LRP1B: variants seen among roughly 807,000 people sequenced by gnomAD.
LRP1B encodes low-density lipoprotein receptor-related protein 1B.
LRP1B carries 217 observed loss-of-function variants against 556.6 expected under a neutral mutation model. That is an observed-to-expected ratio of 0.39 (90% CI 0.35 to 0.44). The LOEUF is 0.44. Among genes scored for constraint, LRP1B ranks in the 20% least tolerant of loss-of-function variants. LRP1B has a pLI of 1.00. For synonymous variants in LRP1B, 2,047 were observed against 1,865.8 expected (o/e 1.10, Z -2.50); for missense variants, 5,053 against 5,620.8 (o/e 0.90, Z 3.23).
intron 67 of LRP1B, among the ~76,000 whole-genome samples, chr2:140,380,055 A>T (rs1308710363): frequency 6.6e-6 from 1 of 152,228 alleles, no homozygotes; most frequent in Non-Finnish European, 1.5e-5. Context: ...GTCAGGTACT[A>T]GGTAAAGTTA....
At chr2:141,772,543 G>A (rs1406231195) in intron 2 of LRP1B, among the ~76,000 whole-genome samples, 1 of 152,116 alleles carries the variant, frequency 6.6e-6, no homozygotes, top group Non-Finnish European at 1.5e-5. Context: ...TCTGGGATAG[G>A]GTCCGGCGCT....
chr2:140,437,979 T>C (rs1310202761), intron 66 of LRP1B, among the ~76,000 whole-genome samples: 1 of 152,216 alleles, frequency 6.6e-6, no homozygotes, highest in Non-Finnish European at 1.5e-5. Flanking sequence ...AACATGATAC[T>C]TGTTATATAA....
chr2:141,905,763 AGATGTGTGTGTG>A (rs1407957305), intron 1 of LRP1B, among the ~76,000 whole-genome samples: 17 of 115,200 alleles, frequency 1.5e-4, no homozygotes, highest in Admixed American at 6.8e-4. Flanking sequence ...TGGTTTGAAT[AGATGTGTGTGTG>A]TGTGTGTGTG....
At chr2:140,325,706 T>C in intron 80 of LRP1B, 56 bp downstream of exon 80, 1 of 1,130,208 alleles carries the variant, frequency 8.8e-7, no homozygotes, top group Non-Finnish European at 1.3e-6. Context: ...ATTTTTGTAT[T>C]AGTATTTAAC....
intron 3 of LRP1B, among the ~76,000 whole-genome samples, chr2:141,256,198 T>C (rs1238740075): frequency 6.6e-6 from 1 of 151,968 alleles, no homozygotes; most frequent in Non-Finnish European, 1.5e-5. Flanking sequence ...TAGAAGAAGT[T>C]GAATTTGAGT....
intron 2 of LRP1B, among the ~76,000 whole-genome samples, chr2:141,641,980 AAAAC>A (rs1174533490): frequency 7.8e-4 from 118 of 152,010 alleles, no homozygotes; most frequent in African/African-American, 2.7e-3. Flanking sequence ...TATAGCATGC[AAAAC>A]AAACAAACAA....
chr2:140,743,171 C>A (rs1209685348), intron 35 of LRP1B, among the ~76,000 whole-genome samples: 2 of 151,974 alleles, frequency 1.3e-5, no homozygotes, highest in African/African-American at 4.8e-5. Flanking sequence ...TTGGAGTGGA[C>A]TAGAATTTCA....
chr2:141,908,571 C>A (rs1175581519), intron 1 of LRP1B, among the ~76,000 whole-genome samples: 1 of 151,952 alleles, frequency 6.6e-6, no homozygotes, highest in Non-Finnish European at 1.5e-5. Flanking sequence ...GAAAGGGTGT[C>A]TATTTGTCTA....
At chr2:140,446,074 A>C (rs1325952126) in intron 63 of LRP1B, among the ~76,000 whole-genome samples, 1 of 152,132 alleles carries the variant, frequency 6.6e-6, no homozygotes, top group Non-Finnish European at 1.5e-5. Flanking sequence ...AAAATGTTGA[A>C]AGTTATTTGC....
chr2:140,813,649 T>TCACTTACCCATGATGGTTAGGGCA lies in LRP1B; in HGVS notation c.5359+7_5359+8insTGCCCTAACCATCATGGGTAAGTG. 6 of 1,612,432 alleles carry TCACTTACCCATGATGGTTAGGGCA rather than the reference T, an allele frequency of 3.7e-6. No individual in the cohort carries two copies. The highest frequency in any genetic ancestry group is 5.1e-6 in the Non-Finnish European group (6 of 1,179,074). On this transcript the variant is annotated splice_region_variant and intron_variant, in intron 32 of 90. Coordinates refer to ENST00000389484, the MANE Select transcript of LRP1B (RefSeq NM_018557.3). Reference sequence around the variant, plus strand: ...AAAGCAACCAAGCTATAGAATAATTTCACTTACCCATGATGGTTAGGGCTG... The same window carrying TCACTTACCCATGATGGTTAGGGCA: ...AAAGCAACCAAGCTATAGAATAATTTCACTTACCCATGATGGTTAGGGCACACTTACCCATGATGGTTAGGGCTG...
At chr2:140,524,505 T>C (rs969221305) in intron 49 of LRP1B, among the ~76,000 whole-genome samples, 1 of 151,900 alleles carries the variant, frequency 6.6e-6, no homozygotes, top group Admixed American at 6.6e-5. Context: ...CATATATGTT[T>C]ATTGAAATAC....
chr2:141,883,309 G>A (rs1236746037), intron 1 of LRP1B, among the ~76,000 whole-genome samples: 1 of 152,238 alleles, frequency 6.6e-6, no homozygotes, highest in African/African-American at 2.4e-5. Flanking sequence ...AAGCAAGAAG[G>A]AGCTGAAAGG....
chr2:140,911,201 T>C (rs1025158207), intron 21 of LRP1B, among the ~76,000 whole-genome samples: 1 of 151,836 alleles, frequency 6.6e-6, no homozygotes, highest in African/African-American at 2.4e-5. Flanking sequence ...GAAAGGGAGT[T>C]AGCTATTTAT....
intron 33 of LRP1B, 144 bp downstream of exon 33, chr2:140,775,954 A>T: frequency 1.6e-6 from 1 of 633,156 alleles, no homozygotes; most frequent in Non-Finnish European, 2.6e-6. Flanking sequence ...CATTTCTCCT[A>T]CAGTAGTAAG....
rs182748046 is a variant in LRP1B, at chr2:141,011,908, A to C, written c.2380+1648T>G. On this transcript the variant is annotated intron_variant, in intron 14 of 90. Coordinates refer to ENST00000389484, the MANE Select transcript of LRP1B (RefSeq NM_018557.3). ...CATCGAATATTTATTTAAAATGCCT[A>C]TATGTAGGGTAACCTTAAAAACAAA... Among the ~76,000 whole-genome samples the C allele has an allele frequency of 3.2e-4, 48 of 152,172 alleles. 1 individual carries two copies. Among genetic ancestry groups the C allele is most frequent in the Admixed American group, 2.8e-3 (42 of 15,252 alleles).
intron 85 of LRP1B, among the ~76,000 whole-genome samples, chr2:140,271,561 C>T (rs1682463408): frequency 6.6e-6 from 1 of 151,978 alleles, no homozygotes; most frequent in Non-Finnish European, 1.5e-5. Flanking sequence ...CCCTCAACTG[C>T]TTTTAACATT....
chr2:140,845,536 C>T (rs1220192985), intron 29 of LRP1B, among the ~76,000 whole-genome samples: 3 of 151,030 alleles, frequency 2.0e-5, no homozygotes, highest in Non-Finnish European at 4.4e-5. Flanking sequence ...ATGAGATATA[C>T]GAGAACAGTT....
At chr2:141,475,253 G>C (rs1032852346) in intron 3 of LRP1B, among the ~76,000 whole-genome samples, 2 of 152,118 alleles carry the variant, frequency 1.3e-5, no homozygotes, top group African/African-American at 2.4e-5. Context: ...TGTAATCCCA[G>C]CTACTTGGGA....
chr2:141,440,809 G>T (rs1412646465), intron 3 of LRP1B, among the ~76,000 whole-genome samples: 4 of 152,152 alleles, frequency 2.6e-5, no homozygotes, highest in Non-Finnish European at 5.9e-5. Context: ...AGTTATGTTT[G>T]ATTTTAACAA....
Sources: gnomAD v4.1 joint callset for allele counts (sites outside exome capture counted in the v4.1 genomes callset) on GRCh38, gnomAD v4.1.1 for gene constraint, MANE v1.5 for transcripts, NCBI Gene and HGNC (gene_info 2026-07-23, HGNC 2026-07-21) for gene names.